Variants in ZNF91 observed in about 807,000 individuals in gnomAD.
ZNF91 encodes zinc finger protein 91.
A neutral mutation model predicts 12.6 loss-of-function variants in ZNF91; 7 were observed. The ratio of observed to expected loss-of-function variants is 0.55; its 90% confidence interval spans 0.31 to 1.04. The LOEUF is 1.04. Among genes scored for constraint, ZNF91 ranks in the 50% least tolerant of loss-of-function variants. The probability of loss-of-function intolerance (pLI) is 0.05; values close to 1 mark genes in which losing one functional copy is unlikely to be tolerated. For missense variants in ZNF91, 1,217 were observed against 1,385.4 expected (o/e 0.88, Z 1.93); for synonymous variants, 453 against 462.6 (o/e 0.98, Z 0.27).
At chr19:23,367,966 G>A (rs1361698081) in intron 3 of ZNF91, among the ~76,000 whole-genome samples, 1 of 152,108 alleles carries the variant, frequency 6.6e-6, no homozygotes, top group Admixed American at 6.5e-5. Flanking sequence ...CTGGAGTGCA[G>A]TGGCGCAGTC....
At chr19:23,352,719 C>G (rs1283856289), downstream of ZNF91, among the ~76,000 whole-genome samples, 1 of 152,166 alleles carries the variant, frequency 6.6e-6, no homozygotes, top group East Asian at 1.9e-4. Flanking sequence ...TCAGGAGACT[C>G]AGCTAATACA....
chr19:23,354,371 G>C (rs1218836372), downstream of ZNF91, among the ~76,000 whole-genome samples: 5 of 152,006 alleles, frequency 3.3e-5, no homozygotes, highest in Non-Finnish European at 7.4e-5. Flanking sequence ...AAAATCACAT[G>C]ATCATCTGAA....
chr19:23,349,450 T>G (rs1333972145), intron 3 of ZNF91, among the ~76,000 whole-genome samples: 1 of 152,120 alleles, frequency 6.6e-6, no homozygotes, highest in Non-Finnish European at 1.5e-5. Context: ...ATAGCCAAAC[T>G]TTTGTCTTGG....
At chr19:23,318,675 T>G (rs193217013) in intron 1 of ZNF91, among the ~76,000 whole-genome samples, 1 of 152,344 alleles carries the variant, frequency 6.6e-6, no homozygotes, top group Admixed American at 6.5e-5. Flanking sequence ...ATCACGTCTC[T>G]GATTCCAGTA....
intron 3 of ZNF91, among the ~76,000 whole-genome samples, chr19:23,369,264 C>T (rs1315592768): frequency 3.3e-5 from 5 of 151,494 alleles, no homozygotes; most frequent in Middle Eastern, 3.4e-3. Flanking sequence ...GTGATAGGAT[C>T]GTGCCATTGC....
At chr19:23,368,510 A>ATCTCTCTCTCTCTCTC (rs573590418) in intron 3 of ZNF91, among the ~76,000 whole-genome samples, 5 of 94,272 alleles carry the variant, frequency 5.3e-5, no homozygotes, top group Non-Finnish European at 6.0e-5. Flanking sequence ...GCGAAACTCC[A>ATCTCTCTCTCTCTCTC]TCTCTCTCTC....
chr19:23,312,412 G>T (rs983526712), upstream of ZNF91, among the ~76,000 whole-genome samples: 1 of 152,176 alleles, frequency 6.6e-6, no homozygotes, highest in Non-Finnish European at 1.5e-5. Context: ...TTGTATGAAG[G>T]TCATAGAGAA....
intron 1 of ZNF91, chr19:23,384,808 G>C (rs1453742396): frequency 1.0e-5 from 7 of 686,756 alleles, no homozygotes; most frequent in Non-Finnish European, 1.9e-5. Flanking sequence ...CTCAGACTCT[G>C]TGTTCACAGA....
downstream of ZNF91, among the ~76,000 whole-genome samples, chr19:23,355,680 G>A (rs1568378757): frequency 6.6e-6 from 1 of 152,252 alleles, no homozygotes; most frequent in East Asian, 1.9e-4. Flanking sequence ...CACACAGTGG[G>A]AGAAAATCTT....
chr19:23,305,543 C>A (rs1967385640), intron 3 of ZNF91, among the ~76,000 whole-genome samples: 1 of 152,188 alleles, frequency 6.6e-6, no homozygotes, highest in South Asian at 2.1e-4. Flanking sequence ...TCAATTAACT[C>A]AAATCAGGTC....
chr19:23,347,574 T>C (rs982550027), intron 3 of ZNF91, among the ~76,000 whole-genome samples: 3 of 152,134 alleles, frequency 2.0e-5, no homozygotes, highest in African/African-American at 4.8e-5. Flanking sequence ...ACAAGGACCA[T>C]GGTATGTCAA....
chr19:23,394,839 A>G (rs1462231955), intron 1 of ZNF91, among the ~76,000 whole-genome samples: 1 of 152,222 alleles, frequency 6.6e-6, no homozygotes, highest in Admixed American at 6.5e-5. Context: ...TTCATAGACC[A>G]CAAATTACAA....
intron 1 of ZNF91, among the ~76,000 whole-genome samples, chr19:23,320,102 C>A: frequency 6.6e-6 from 1 of 152,204 alleles, no homozygotes; most frequent in East Asian, 1.9e-4. Context: ...ACACAACCCA[C>A]TGGTGAGATC....
intron 1 of ZNF91, 56 bp from the exon 2 acceptor site, chr19:23,374,820 C>T: frequency 6.3e-7 from 1 of 1,588,650 alleles, no homozygotes; most frequent in African/African-American, 1.4e-5. Flanking sequence ...CAGAATTTTT[C>T]ATTTGACTCA....
chr19:23,321,845 G>A (rs1310281822), intron 1 of ZNF91, among the ~76,000 whole-genome samples: 6 of 152,032 alleles, frequency 3.9e-5, no homozygotes, highest in East Asian at 3.9e-4. Flanking sequence ...CCTGGGCCAC[G>A]TCCATAGATG....
chr19:23,375,568 C>T (rs1392938105), intron 1 of ZNF91, among the ~76,000 whole-genome samples: 1 of 152,052 alleles, frequency 6.6e-6, no homozygotes, highest in Non-Finnish European at 1.5e-5. Flanking sequence ...CTAAAAAGTT[C>T]ACTAGTAATG....
chr19:23,337,776 A>G (rs1431278198), downstream of ZNF91: 1 of 152,116 alleles, frequency 6.6e-6, no homozygotes, highest in African/African-American at 2.4e-5. Context: ...TAGAGTCCAA[A>G]TGGGAAATGT....
rs1445725940 is a variant in ZNF91, at chr19:23,360,100, T to A, written c.2879A>T (p.His960Leu). The A allele has an allele frequency of 1.9e-6, 3 of 1,613,498 alleles. No individual in the cohort carries two copies. In the African/African-American group the frequency reaches 4.0e-5, roughly 22 times the overall value. ...SSTLTTHKII[H>L]TGEKPYKCEE... is the part of the protein sequence containing the mutation. ...ACATTTGTAGGGTTTCTCTCCAGTA[T>A]GAATTATCTTATGTGTAGTAAGGGT... Residue 960 changes from histidine to leucine, a missense_variant, in exon 4 of 4, where the codon CAT becomes CTT. By Grantham distance (99) the His-to-Leu change is moderately conservative. This residue lies in a region of ZNF91 where 491 missense variants were observed against 489.8 expected (regional missense o/e 1.00). Coordinates refer to ENST00000300619, the MANE Select transcript of ZNF91 (RefSeq NM_003430.4).
At chr19:23,354,856 A>C (rs1172538213), downstream of ZNF91, among the ~76,000 whole-genome samples, 1 of 152,170 alleles carries the variant, frequency 6.6e-6, no homozygotes, top group Non-Finnish European at 1.5e-5. Flanking sequence ...TCAAGAACTC[A>C]ACCTCTTTTA....
Sources: allele counts gnomAD v4.1 joint callset (sites outside exome capture counted in the v4.1 genomes callset), GRCh38; gene constraint gnomAD v4.1.1; regional missense constraint gnomAD v4.1.1; transcripts MANE v1.5; gene names NCBI Gene and HGNC (gene_info 2026-07-23, HGNC 2026-07-21).